The following ALPK1 variants were observed in gnomAD, a reference collection of about 807,000 sequenced individuals.
ALPK1 encodes the protein alpha-protein kinase 1.
ALPK1 carries 110 observed loss-of-function variants against 120.6 expected under a neutral mutation model. The observed-to-expected ratio is 0.91, with a 90% CI of 0.78 to 1.07. The LOEUF (loss-of-function observed/expected upper bound fraction) is 1.07, where lower values mean the gene tolerates loss of function less well. Among genes scored for constraint, ALPK1 ranks in the 50% least tolerant of loss-of-function variants. The pLI, the probability that ALPK1 is intolerant of heterozygous loss-of-function variation, is 0.00. For synonymous variants in ALPK1, 582 were observed against 560.3 expected (o/e 1.04, Z -0.55); for missense variants, 1,498 against 1,483.9 (o/e 1.01, Z -0.16).
chr4:112,390,036 T>A (rs1317492446), intron 4 of ALPK1, among the ~76,000 whole-genome samples: 1 of 152,158 alleles, frequency 6.6e-6, no homozygotes, highest in Non-Finnish European at 1.5e-5. Flanking sequence ...CCCACTTCAC[T>A]CCTCCACATC....
rs548940635 is a variant in ALPK1 at position 112,360,282 on chromosome 4, C to T, written c.-100-17396C>T. Reference sequence around the variant, plus strand: ...TTCTATTTTAAGGCTGAGTAATATTCCATTGTGTGTATATATATATGACAT... The same window carrying T: ...TTCTATTTTAAGGCTGAGTAATATTTCATTGTGTGTATATATATATGACAT... On this transcript the variant is annotated intron_variant, in intron 2 of 15. Transcript: ENST00000650871. 2.6e-5 allele frequency among the ~76,000 whole-genome samples: 4 copies of T among 152,110 alleles called. No homozygotes were observed. The East Asian group carries it at 7.7e-4, about 29-fold the overall frequency.
rs140422242 is a variant in ALPK1, at chr4:112,338,553, G to T, written c.-101+22701G>T. 1.4e-3 allele frequency among the ~76,000 whole-genome samples: 215 copies of T among 152,240 alleles called. 2 individuals are homozygous for T. The highest frequency in any genetic ancestry group is 4.9e-3 in the African/African-American group (204 of 41,540). ...ATATATGTAACGGATAAGAGGAAAA[G>T]CCTACAGAAAAGATGCTTAATAAGT... On this transcript the variant is annotated intron_variant, in intron 2 of 15. Transcript: ENST00000650871.
intron 11 of ALPK1, among the ~76,000 whole-genome samples, chr4:112,434,320 C>G (rs1734700157): frequency 6.6e-6 from 1 of 152,204 alleles, no homozygotes; most frequent in Non-Finnish European, 1.5e-5. Flanking sequence ...AGTCACCCAA[C>G]CCTGGTCACC....
chr4:112,439,802 A>C lies in ALPK1; in HGVS notation c.3468A>C (p.Glu1156Asp). The change falls in exon 14 of 16, where the codon GAA becomes GAC. Residue 1156 changes from glutamate (E) to aspartate (D), a missense_variant. Transcript: ENST00000650871. ...KVVKTEYKAT[E>D]YGLAYGHFSY... ...TGAAAACAGAATACAAAGCCACAGAATATGGCTTGGCCTATGGCCATTTTT... is the reference window on the plus strand; with the variant it reads ...TGAAAACAGAATACAAAGCCACAGACTATGGCTTGGCCTATGGCCATTTTT... The C allele has an allele frequency of 6.2e-7, 1 of 1,613,306 alleles. No homozygotes were observed. Among genetic ancestry groups the C allele is most frequent in the Non-Finnish European group, 8.5e-7 (1 of 1,179,708 alleles).
intron 2 of ALPK1, among the ~76,000 whole-genome samples, chr4:112,372,708 A>G (rs1218396607): frequency 6.6e-6 from 1 of 152,094 alleles, no homozygotes; most frequent in Non-Finnish European, 1.5e-5. Flanking sequence ...GTGACATCCC[A>G]TAGATCTCTT....
At chr4:112,346,655 G>T (rs1730116171) in intron 2 of ALPK1, among the ~76,000 whole-genome samples, 1 of 152,192 alleles carries the variant, frequency 6.6e-6, no homozygotes, top group African/African-American at 2.4e-5. Context: ...GGCATTGCAG[G>T]TTTTGGTATG....
Position 112,387,120 on chromosome 4 carries a change from A to G in ALPK1, c.276+4568A>G, listed in dbSNP as rs954898066. Among the ~76,000 whole-genome samples, 514 of 152,330 alleles carry G rather than the reference A, an allele frequency of 3.4e-3. 10 individuals carry two copies. Among genetic ancestry groups the G allele is most frequent in the East Asian group, 2.1e-3 (11 of 5,192 alleles). ...CTTTGGGCCATGGCGGTGGAGTGCT[A>G]GCTAGGAAAACCCATAGAATGCTAA... On this transcript the variant is annotated intron_variant, in intron 4 of 15. Transcript: ENST00000650871.
intron 1 of ALPK1, among the ~76,000 whole-genome samples, chr4:112,313,930 G>A (rs1237414585): frequency 6.6e-6 from 1 of 152,208 alleles, no homozygotes; most frequent in Non-Finnish European, 1.5e-5. Context: ...AACTACTGAT[G>A]AAAGTGAGAT....
intron 5 of ALPK1, 132 bp from the exon 6 acceptor site, chr4:112,423,812 T>G: frequency 1.2e-6 from 1 of 836,870 alleles, no homozygotes; most frequent in East Asian, 2.6e-5. Flanking sequence ...TGATTTTAAA[T>G]TATAAAATGG....
Position 112,440,899 on chromosome 4 carries a change from T to A in ALPK1, c.3539-18T>A. 13 of 1,598,924 alleles carry A rather than the reference T, an allele frequency of 8.1e-6. No individual in the cohort carries two copies. The highest frequency in any genetic ancestry group is 1.1e-5 in the Non-Finnish European group (13 of 1,173,594). On this transcript the variant is annotated intron_variant, in intron 14 of 15. Transcript: ENST00000650871. Reference sequence around the variant, plus strand: ...TTACAGGGAATTTAATACTCAGGTGTGTTCATTTCTCTTTTAGGTTGGGTA... The same window carrying A: ...TTACAGGGAATTTAATACTCAGGTGAGTTCATTTCTCTTTTAGGTTGGGTA...
At position 112,435,182 on chromosome 4, in the gene ALPK1, A is replaced by T. The variant is rs780001467; in HGVS notation, c.3069A>T (p.Glu1023Asp). ...ALLLKYSKKSELWTAQETIVY... is the reference protein window; with the variant it reads ...ALLLKYSKKSDLWTAQETIVY... ...TGTTAAAATATTCAAAAAAATCTGA[A>T]CTGTGGACGGCCCAGGAAACTATTG... The change falls in exon 12 of 16, where the codon GAA becomes GAT. Residue 1023 changes from glutamate to aspartate, a missense_variant. Transcript: ENST00000650871. 1 of 1,607,608 alleles carries T rather than the reference A, an allele frequency of 6.2e-7. No homozygotes were observed. Among genetic ancestry groups the T allele is most frequent in the East Asian group, 2.2e-5 (1 of 44,850 alleles).
At chr4:112,354,888 CTT>C (rs541511816) in intron 2 of ALPK1, among the ~76,000 whole-genome samples, 7 of 152,244 alleles carry the variant, frequency 4.6e-5, no homozygotes, top group Admixed American at 4.6e-4. Flanking sequence ...TCAGGAATGT[CTT>C]TATTATTCTT....
At chr4:112,355,657 T>C (rs1275321683) in intron 2 of ALPK1, among the ~76,000 whole-genome samples, 3 of 152,120 alleles carry the variant, frequency 2.0e-5, no homozygotes. Context: ...TTTCTGCCTG[T>C]GGGCGATGGA....
At chr4:112,357,761 TC>T in intron 2 of ALPK1, 1 of 1,189,628 alleles carries the variant, frequency 8.4e-7, no homozygotes, top group Non-Finnish European at 1.3e-6. Flanking sequence ...CTGGGCAACA[TC>T]GCCCGCATGG....
chr4:112,377,928 G>C, intron 3 of ALPK1, 30 bp downstream of exon 3: 2 of 1,580,878 alleles, frequency 1.3e-6, no homozygotes, highest in Non-Finnish European at 1.7e-6. Flanking sequence ...CACCAGGGGT[G>C]AACCAGCAGG....
Position 112,432,210 on chromosome 4 carries a change from C to A in ALPK1, c.2663C>A (p.Pro888His), listed in dbSNP as rs987171940. Residue 888 changes from proline to histidine, a missense_variant, in exon 11 of 16, where the codon CCC becomes CAC. Pro to His is a moderately conservative substitution (Grantham distance 77). Transcript: ENST00000650871. ...CCGCCTGGTCAGAGGGCGGAGACCC[C>A]CAATTCCTCTGTAAGCGGTAACATC... Reference protein sequence around the residue: ...RQPPGQRAETPNSSVSGNILF... With the variant: ...RQPPGQRAETHNSSVSGNILF... 1 of 1,614,192 alleles carries A rather than the reference C, an allele frequency of 6.2e-7. No individual in the cohort carries two copies. Among genetic ancestry groups the A allele is most frequent in the East Asian group, 2.2e-5 (1 of 44,878 alleles).
chr4:112,412,743 G>C (rs963645500), intron 5 of ALPK1, among the ~76,000 whole-genome samples: 1 of 152,180 alleles, frequency 6.6e-6, no homozygotes, highest in African/African-American at 2.4e-5. Flanking sequence ...AAAAGTAAAG[G>C]ATGAAAAGAG....
Position 112,413,074 on chromosome 4 carries a change from A to C in ALPK1, c.475+1049A>C, listed in dbSNP as rs543378296. 2.6e-5 allele frequency among the ~76,000 whole-genome samples: 4 copies of C among 152,350 alleles called. No homozygotes were observed. In the South Asian group the frequency reaches 8.3e-4, roughly 32 times the overall value. ...TATCTCAAGTAAAGTTCAGGGACAG[A>C]GCTGAACTTAGGAAAAATTTCTTCT... On this transcript the variant is annotated intron_variant, in intron 5 of 15. Transcript: ENST00000650871.
chr4:112,343,743 T>G (rs971777324), intron 2 of ALPK1, among the ~76,000 whole-genome samples: 2 of 55,676 alleles, frequency 3.6e-5, no homozygotes, highest in African/African-American at 1.3e-4. Context: ...ACCCCCACCC[T>G]TTCCCCCCCT....
Sources: gnomAD v4.1 joint callset for allele counts (sites outside exome capture counted in the v4.1 genomes callset) on GRCh38, gnomAD v4.1.1 for gene constraint, MANE v1.5 for transcripts, NCBI Gene and HGNC (gene_info 2026-07-23, HGNC 2026-07-21) for gene names.